Variants in ABHD13 observed in about 807,000 individuals in gnomAD.
The protein encoded by ABHD13 is protein ABHD13.
In ABHD13, 7 loss-of-function variants were observed where a neutral mutation model predicts 25.2. The observed-to-expected ratio is 0.28, with a 90% CI of 0.16 to 0.52. The LOEUF is 0.52. ABHD13 is among the 20% of genes least tolerant of loss of function. ABHD13 has a pLI of 0.96. For missense variants in ABHD13, 302 were observed against 402.7 expected (o/e 0.75, Z 2.14); for synonymous variants, 133 against 136.1 (o/e 0.98, Z 0.16).
chr13:108,223,506 T>C (rs1879608663), intron 1 of ABHD13, among the ~76,000 whole-genome samples: 1 of 152,222 alleles, frequency 6.6e-6, no homozygotes, highest in Admixed American at 6.5e-5. Flanking sequence ...TAATTTTTAC[T>C]GCTTCTTCTT....
At chr13:108,227,549 A>G (rs956390172) in intron 1 of ABHD13, among the ~76,000 whole-genome samples, 1 of 152,064 alleles carries the variant, frequency 6.6e-6, no homozygotes, top group African/African-American at 2.4e-5. Flanking sequence ...AATATGCCTT[A>G]TTCGTGTATT....
At chr13:108,220,479 A>G (rs958389984) in intron 1 of ABHD13, among the ~76,000 whole-genome samples, 11 of 152,242 alleles carry the variant, frequency 7.2e-5, no homozygotes, top group African/African-American at 2.4e-4. Context: ...AGATTCTGAA[A>G]TCTTTCTAAT....
intron 1 of ABHD13, among the ~76,000 whole-genome samples, chr13:108,221,971 G>C (rs1357043174): frequency 6.6e-6 from 1 of 151,888 alleles, no homozygotes; most frequent in Non-Finnish European, 1.5e-5. Context: ...CCTAGTAGCT[G>C]GGATTACAGG....
At chr13:108,228,262 T>A (rs1453467970) in intron 1 of ABHD13, among the ~76,000 whole-genome samples, 2 of 151,630 alleles carry the variant, frequency 1.3e-5, no homozygotes, top group Non-Finnish European at 2.9e-5. Flanking sequence ...CTCCAGTGAG[T>A]CATTTTACTT....
Position 108,229,899 on chromosome 13 carries a change from C to T in ABHD13, c.681C>T (p.Ser227=). ...TTTTAAGCATACCACATATGGCCAG[C>T]ACTTTATTTTCATTCTTTCCGATGC... ...NTFLSIPHMA[S]TLFSFFPMRY... The change falls in exon 2 of 2, where the codon AGC becomes AGT. Residue 227 remains serine, a synonymous_variant. Transcript: ENST00000375898. This position sits in a 1 kb window ranked among gnomAD's most constrained non-coding sequence, Gnocchi z 4.7. The T allele has an allele frequency of 6.2e-7, 1 of 1,613,300 alleles. No homozygotes were observed. Among genetic ancestry groups the T allele is most frequent in the Non-Finnish European group, 8.5e-7 (1 of 1,179,432 alleles).
intron 1 of ABHD13, among the ~76,000 whole-genome samples, chr13:108,224,693 T>C (rs1160989382): frequency 6.6e-6 from 1 of 152,148 alleles, no homozygotes; most frequent in Non-Finnish European, 1.5e-5. Flanking sequence ...TAGACGGCTC[T>C]TATTTTTAGT....
chr13:108,231,146 G>T lies in ABHD13; in HGVS notation c.*914G>T, dbSNP rs111476266. ...TTAAATTAGGAAGTCTTTTATCATT[G>T]CAGGATTGTACATACTACTTTATAA... On this transcript the variant is annotated 3_prime_UTR_variant, in exon 2 of 2. Coordinates refer to ENST00000375898, the MANE Select transcript of ABHD13 (RefSeq NM_032859.3). 6.0e-6 allele frequency: 1 copy of T among 166,580 alleles called. No homozygotes were observed. Among genetic ancestry groups the T allele is most frequent in the Admixed American group, 6.6e-5 (1 of 15,216 alleles). The allele number at this position is 166,580 out of a possible 1,614,324, so 10.3% of individuals were successfully genotyped here.
At position 108,231,515 on chromosome 13, in the gene ABHD13, A is replaced by C. The variant is rs1879803640; in HGVS notation, c.*1283A>C. The stretch of plus-strand genomic sequence containing the variant: ...TTTAGATGTATAGAAAAGTAAGAAA[A>C]TCTTACTTAGAAAAAAGCCCCTTGA... On this transcript the variant is annotated 3_prime_UTR_variant, in exon 2 of 2. Coordinates refer to ENST00000375898, the MANE Select transcript of ABHD13 (RefSeq NM_032859.3). The C allele has an allele frequency of 6.0e-6, 1 of 166,828 alleles. No homozygotes were observed. The highest frequency in any genetic ancestry group is 2.4e-5 in the African/African-American group (1 of 41,418). 10.3% of individuals were successfully genotyped at this position (166,828 alleles called of 1,614,324 possible).
intron 1 of ABHD13, among the ~76,000 whole-genome samples, chr13:108,219,086 C>T (rs938215837): frequency 4.6e-5 from 7 of 152,044 alleles, no homozygotes; most frequent in African/African-American, 1.7e-4. Flanking sequence ...CGCTCCCCCA[C>T]CCTCCCACAC....
rs1309391576 is a variant in ABHD13 at position 108,231,086 on chromosome 13, A to G, written c.*854A>G. On this transcript the variant is annotated 3_prime_UTR_variant, in exon 2 of 2. Transcript: ENST00000375898. Reference sequence around the variant, plus strand: ...TTGTAAGTCTTCAGCTGAACCACTAATAGCAGTCATAGTGAAGATTAGCAC... The same window carrying G: ...TTGTAAGTCTTCAGCTGAACCACTAGTAGCAGTCATAGTGAAGATTAGCAC... 2 of 166,680 alleles carry G rather than the reference A, an allele frequency of 1.2e-5. No homozygotes were observed. Among genetic ancestry groups the G allele is most frequent in the African/African-American group, 4.8e-5 (2 of 41,432 alleles). The allele number at this position is 166,680 out of a possible 1,614,324, so 10.3% of individuals were successfully genotyped here. A position where few individuals can be genotyped will look rare whatever the true frequency, so the allele number is the denominator to read the frequency against.
At chr13:108,225,711 A>G (rs1419345470) in intron 1 of ABHD13, among the ~76,000 whole-genome samples, 1 of 152,204 alleles carries the variant, frequency 6.6e-6, no homozygotes, top group Non-Finnish European at 1.5e-5. Flanking sequence ...TAGCAAACAG[A>G]AAATTGAGAA....
chr13:108,229,504 G>A lies in ABHD13; in HGVS notation c.286G>A (p.Gly96Arg). ...HENIFIRTKD[G>R]IRLNLILIRY... Reference sequence around the variant, plus strand: ...AAACATTTTCATCAGAACCAAAGATGGAATACGTCTGAATCTTATTTTGAT... The same window carrying A: ...AAACATTTTCATCAGAACCAAAGATAGAATACGTCTGAATCTTATTTTGAT... Residue 96 changes from glycine (G) to arginine (R), a missense_variant, in exon 2 of 2, where the codon GGA becomes AGA. Physicochemically the swap from Gly to Arg is moderately radical, Grantham distance 125. Transcript: ENST00000375898. The surrounding 1 kb of genome is among the most constrained non-coding windows in gnomAD (Gnocchi z 4.7). 2 of 1,613,478 alleles carry A rather than the reference G, an allele frequency of 1.2e-6. No individual in the cohort carries two copies. Among genetic ancestry groups the A allele is most frequent in the Non-Finnish European group, 1.7e-6 (2 of 1,179,608 alleles).
At chr13:108,224,969 T>A (rs926231101) in intron 1 of ABHD13, among the ~76,000 whole-genome samples, 4 of 152,216 alleles carry the variant, frequency 2.6e-5, no homozygotes, top group Non-Finnish European at 4.4e-5. Flanking sequence ...CAGTAGATTA[T>A]TTTTTGAGAC....
rs77167645 is a variant in ABHD13, at chr13:108,231,063, G to A, written c.*831G>A. Reference sequence around the variant, plus strand: ...GAGAATTTTAGCTTCTATCGATTTTGTAAGTCTTCAGCTGAACCACTAATA... The same window carrying A: ...GAGAATTTTAGCTTCTATCGATTTTATAAGTCTTCAGCTGAACCACTAATA... On this transcript the variant is annotated 3_prime_UTR_variant, in exon 2 of 2. Coordinates refer to ENST00000375898, the MANE Select transcript of ABHD13 (RefSeq NM_032859.3). The A allele has an allele frequency of 1.3e-3, 209 of 166,762 alleles. No homozygotes were observed. The highest frequency in any genetic ancestry group is 4.8e-3 in the African/African-American group (199 of 41,526). 10.3% of individuals were successfully genotyped at this position (166,762 alleles called of 1,614,324 possible).
At chr13:108,220,079 T>G (rs1166719603) in intron 1 of ABHD13, among the ~76,000 whole-genome samples, 18 of 152,236 alleles carry the variant, frequency 1.2e-4, no homozygotes. Flanking sequence ...TAGTTCAATT[T>G]AATCTTTCAT....
intron 1 of ABHD13, among the ~76,000 whole-genome samples, chr13:108,227,776 A>G (rs1263321724): frequency 2.0e-5 from 3 of 152,022 alleles, no homozygotes; most frequent in Non-Finnish European, 2.9e-5. Context: ...CTGAAAAGGC[A>G]ATTGAGACTG....
At chr13:108,226,167 A>G (rs1303115334) in intron 1 of ABHD13, among the ~76,000 whole-genome samples, 2 of 152,010 alleles carry the variant, frequency 1.3e-5, no homozygotes, top group Non-Finnish European at 2.9e-5. Context: ...GCTTTTTTGA[A>G]AACCCAACAT....
At position 108,233,228 on chromosome 13, in the gene ABHD13, A is replaced by G. The variant is rs190965489; in HGVS notation, c.*2996A>G. 52 of 166,924 alleles carry G rather than the reference A, an allele frequency of 3.1e-4. 1 individual carries two copies. The highest frequency in any genetic ancestry group is 1.2e-3 in the African/African-American group (51 of 41,554). 10.3% of individuals were successfully genotyped at this position (166,924 alleles called of 1,614,324 possible). The stretch of plus-strand genomic sequence containing the variant: ...ACGCTGTAATACCTGTTGAGAATTC[A>G]TACCATCTGATGCTTATATATTAAT... On this transcript the variant is annotated 3_prime_UTR_variant, in exon 2 of 2. Coordinates refer to ENST00000375898, the MANE Select transcript of ABHD13 (RefSeq NM_032859.3).
chr13:108,230,178 G>C lies in ABHD13; in HGVS notation c.960G>C (p.Lys320Asn), dbSNP rs779548540. 8.1e-6 allele frequency: 13 copies of C among 1,609,794 alleles called. No homozygotes were observed. The highest frequency in any genetic ancestry group is 8.0e-5 in the African/African-American group (6 of 74,720). ...ALEQFIKEVVKSHSPEEMAKT... is the reference protein window; with the variant it reads ...ALEQFIKEVVNSHSPEEMAKT... ...AACAGTTCATCAAAGAAGTCGTAAA[G>C]AGCCATTCTCCTGAAGAAATGGCAA... Residue 320 changes from lysine to asparagine, a missense_variant, in exon 2 of 2, where the codon AAG becomes AAC. Transcript: ENST00000375898.
Sources: gnomAD v4.1 joint callset for allele counts (sites outside exome capture counted in the v4.1 genomes callset) on GRCh38, gnomAD v4.1.1 for gene constraint, Gnocchi (gnomAD v3.1) non-coding constraint, MANE v1.5 for transcripts, NCBI Gene and HGNC (gene_info 2026-07-23, HGNC 2026-07-21) for gene names.